SLC30A10: variants seen among roughly 807,000 people sequenced by gnomAD.
SLC30A10 encodes solute carrier family 30 member 10, also known as calcium/manganese antiporter SLC30A10.
Under a neutral mutation model 21.7 loss-of-function variants are expected in SLC30A10, and 8 were observed. That is an observed-to-expected ratio of 0.37 (90% confidence interval 0.22 to 0.67). The LOEUF is 0.67. Among genes scored for constraint, SLC30A10 ranks in the 30% least tolerant of loss-of-function variants. The pLI, the probability that SLC30A10 is intolerant of heterozygous loss-of-function variation, is 0.58. For missense variants in SLC30A10, 521 were observed against 642.5 expected (o/e 0.81, Z 2.04); for synonymous variants, 272 against 279.4 (o/e 0.97, Z 0.26).
At chr1:219,954,401 C>T (rs946178990) in intron 1 of SLC30A10, among the ~76,000 whole-genome samples, 27 of 152,064 alleles carry the variant, frequency 1.8e-4, no homozygotes, top group African/African-American at 5.1e-4. Context: ...AAAACTTAGC[C>T]GGGCACAGTG....
chr1:219,952,012 T>C (rs1319205650), intron 1 of SLC30A10, among the ~76,000 whole-genome samples: 1 of 152,176 alleles, frequency 6.6e-6, no homozygotes, highest in East Asian at 1.9e-4. Flanking sequence ...GAAATAGTGA[T>C]GGATCTGCTG....
chr1:219,927,046 C>G lies in SLC30A10; in HGVS notation c.700G>C (p.Glu234Gln). 1 of 1,613,746 alleles carries G rather than the reference C, an allele frequency of 6.2e-7. No individual in the cohort carries two copies. ...ATCCTACCTCTGATATTCAGAGCTT[C>G]AGACTTTTTCTCTTTTTTCATCATG... ...EDMMKKEKKS[E>Q]ALNIRGVLLH... Residue 234 changes from glutamate to glutamine, a missense_variant, in exon 2 of 4, where the codon GAA (glutamate) becomes CAA (glutamine). Glu to Gln is a conservative substitution (Grantham distance 29). Coordinates refer to ENST00000366926, the MANE Select transcript of SLC30A10 (RefSeq NM_018713.3).
intron 1 of SLC30A10, among the ~76,000 whole-genome samples, chr1:219,951,971 T>A (rs777458643): frequency 1.1e-4 from 17 of 152,138 alleles, no homozygotes; most frequent in Non-Finnish European, 2.2e-4. Context: ...TAACCCATCA[T>A]CAAAACAACA....
Position 219,915,412 on chromosome 1 carries a change from T to A in SLC30A10, c.*37A>T. The A allele has an allele frequency of 6.3e-7, 1 of 1,577,920 alleles. No individual in the cohort carries two copies. The highest frequency in any genetic ancestry group is 8.6e-7 in the Non-Finnish European group (1 of 1,162,152). ...GTGAGCCAAGCTTGTGGTTCCAAAG[T>A]GCCTCGTCTATATGGTCTGATTATG... On this transcript the variant is annotated 3_prime_UTR_variant, in exon 4 of 4. Coordinates refer to ENST00000366926, the MANE Select transcript of SLC30A10 (RefSeq NM_018713.3).
intron 1 of SLC30A10, among the ~76,000 whole-genome samples, chr1:219,955,246 T>C (rs1274435310): frequency 6.6e-6 from 1 of 152,194 alleles, no homozygotes; most frequent in East Asian, 1.9e-4. Context: ...ATTGTGGACT[T>C]TAACCCTATT....
intron 1 of SLC30A10, among the ~76,000 whole-genome samples, chr1:219,958,171 C>CT (rs58017566): frequency 6.6e-6 from 1 of 152,062 alleles, no homozygotes; most frequent in Admixed American, 6.6e-5. Context: ...GAGACATTAA[C>CT]TTTTTTTTAA....
intron 1 of SLC30A10, among the ~76,000 whole-genome samples, chr1:219,935,269 G>A (rs1450737144): frequency 1.3e-5 from 2 of 152,098 alleles, no homozygotes; most frequent in Non-Finnish European, 2.9e-5. Flanking sequence ...TGTGTTCTTT[G>A]GTGCCATCAG....
intron 1 of SLC30A10, among the ~76,000 whole-genome samples, chr1:219,947,981 A>C (rs1571812943): frequency 6.6e-6 from 1 of 152,018 alleles, no homozygotes; most frequent in East Asian, 1.9e-4. Flanking sequence ...ACAAACAGAG[A>C]GCCAAATCAT....
chr1:219,958,970 C>T (rs551092257), upstream of SLC30A10, among the ~76,000 whole-genome samples: 18 of 152,300 alleles, frequency 1.2e-4, no homozygotes, highest in African/African-American at 3.9e-4. Context: ...AGGATGCTAA[C>T]GACGCACATG....
chr1:219,925,216 C>T (rs746230878), intron 2 of SLC30A10, among the ~76,000 whole-genome samples: 6 of 152,162 alleles, frequency 3.9e-5, no homozygotes, highest in Non-Finnish European at 7.4e-5. Flanking sequence ...TACCTATTCT[C>T]TTTCTCAACT....
intron 1 of SLC30A10, among the ~76,000 whole-genome samples, chr1:219,937,768 C>T (rs555600175): frequency 1.3e-5 from 2 of 152,128 alleles, no homozygotes; most frequent in African/African-American, 4.8e-5. Flanking sequence ...ACTGAGCTCG[C>T]GACACTGAAC....
At chr1:219,922,178 T>TGTGTGTG (rs1558252084) in intron 2 of SLC30A10, among the ~76,000 whole-genome samples, 49 of 36,690 alleles carry the variant, frequency 1.3e-3, no homozygotes, top group Non-Finnish European at 1.7e-3. Context: ...GTGTGTGTGT[T>TGTGTGTG]TTTTTTTTTT....
intron 1 of SLC30A10, among the ~76,000 whole-genome samples, chr1:219,955,996 G>A (rs973916610): frequency 3.9e-5 from 6 of 152,098 alleles, no homozygotes; most frequent in Non-Finnish European, 8.8e-5. Context: ...AATTTATGAC[G>A]TTCGTCTGAT....
rs1659456311 is a variant in SLC30A10 at position 219,913,161 on chromosome 1, T to G, written c.*2288A>C. Among the ~76,000 whole-genome samples the G allele has an allele frequency of 6.6e-6, 1 of 152,246 alleles. No homozygotes were observed. The highest frequency in any genetic ancestry group is 6.5e-5 in the Admixed American group (1 of 15,288). On this transcript the variant is annotated 3_prime_UTR_variant, in exon 4 of 4. Coordinates refer to ENST00000366926, the MANE Select transcript of SLC30A10 (RefSeq NM_018713.3). ...GCCACAGGTGGCAAATGCAAGCCACTCAACCCAATACAAAATTATTGCACT... is the reference window on the plus strand; with the variant it reads ...GCCACAGGTGGCAAATGCAAGCCACGCAACCCAATACAAAATTATTGCACT...
upstream of SLC30A10, among the ~76,000 whole-genome samples, chr1:219,933,450 C>T (rs1220286736): frequency 6.6e-6 from 1 of 152,126 alleles, no homozygotes; most frequent in Non-Finnish European, 1.5e-5. Flanking sequence ...GGAGTCGGAC[C>T]GATTTGGAAC....
At chr1:219,922,191 T>TG (rs1659709597) in intron 2 of SLC30A10, among the ~76,000 whole-genome samples, 1 of 19,330 alleles carries the variant, frequency 5.2e-5, no homozygotes, top group African/African-American at 1.8e-4. Context: ...TTTTTTTTTT[T>TG]TTTTTTTTTT....
At chr1:219,956,423 C>A (rs1017418326) in intron 1 of SLC30A10, among the ~76,000 whole-genome samples, 3 of 150,536 alleles carry the variant, frequency 2.0e-5, no homozygotes, top group Non-Finnish European at 4.4e-5. Flanking sequence ...GCGTGAGTCA[C>A]ACGTGTATTG....
At position 219,937,471 on chromosome 1, in the gene SLC30A10, T is replaced by A. The variant is rs145928208; in HGVS notation, n.81-10366A>T. On this transcript the variant is annotated intron_variant and non_coding_transcript_variant, in intron 1 of 8. Transcript: ENST00000484239. ...CACCTAGTGTGTATATTATGCTGCA[T>A]GTCTGCTCTTTGTTTTCCATATCTA... Among the ~76,000 whole-genome samples, 230 of 152,378 alleles carry A rather than the reference T, an allele frequency of 1.5e-3. 1 individual carries two copies. The highest frequency in any genetic ancestry group is 2.5e-3 in the Non-Finnish European group (173 of 68,040).
chr1:219,932,061 A>G (rs1659976419), upstream of SLC30A10, among the ~76,000 whole-genome samples: 1 of 148,122 alleles, frequency 6.8e-6, no homozygotes, highest in Admixed American at 6.7e-5. Flanking sequence ...TAACTCAATC[A>G]TCTTTTTTTT....
Sources: gnomAD v4.1 joint callset for allele counts (sites outside exome capture counted in the v4.1 genomes callset) on GRCh38, gnomAD v4.1.1 for gene constraint, MANE v1.5 for transcripts, NCBI Gene and HGNC (gene_info 2026-07-23, HGNC 2026-07-21) for gene names.